The following MGME1 variants were observed in gnomAD, a reference collection of about 807,000 sequenced individuals.
MGME1 encodes the protein mitochondrial genome maintenance exonuclease 1, also known as chromosome 20 open reading frame 72.
A neutral mutation model predicts 33.0 loss-of-function variants in MGME1; 22 were observed. The observed-to-expected ratio is 0.67, with a 90% CI of 0.48 to 0.95. The LOEUF (loss-of-function observed/expected upper bound fraction) is 0.95, where lower values mean the gene tolerates loss of function less well. Among genes scored for constraint, MGME1 ranks in the 40% least tolerant of loss-of-function variants. MGME1 has a pLI of 0.00. For missense variants in MGME1, 383 were observed against 397.8 expected, an observed-to-expected ratio of 0.96 and a Z score of 0.32; for synonymous variants, 133 against 144.0, an observed-to-expected ratio of 0.92 and a Z score of 0.55.
intron 2 of MGME1, 113 bp from the exon 3 acceptor site, chr20:17,975,571 A>G: frequency 3.6e-6 from 3 of 837,852 alleles, no homozygotes; most frequent in Non-Finnish European, 5.5e-6. Flanking sequence ...AAAAAAAAGA[A>G]AAAAAAATGT....
At chr20:17,979,734 T>C (rs10222022) in intron 3 of MGME1, among the ~76,000 whole-genome samples, 2 of 151,484 alleles carry the variant, frequency 1.3e-5, no homozygotes, top group South Asian at 2.1e-4. Flanking sequence ...TTTTATTTTA[T>C]TTTAGTTTAT....
At chr20:17,974,635 AAAG>A (rs1245332043) in intron 2 of MGME1, among the ~76,000 whole-genome samples, 1 of 152,220 alleles carries the variant, frequency 6.6e-6, no homozygotes, top group Non-Finnish European at 1.5e-5. Context: ...TGTTAGGAAG[AAAG>A]AAGATGTGTC....
At chr20:17,980,211 A>C (rs1210837811) in intron 3 of MGME1, among the ~76,000 whole-genome samples, 8 of 151,794 alleles carry the variant, frequency 5.3e-5, no homozygotes, top group Non-Finnish European at 1.2e-4. Context: ...TTTTTCATAG[A>C]GACGGGGTTT....
chr20:17,990,818 A>G lies in MGME1; in HGVS notation c.*709A>G, dbSNP rs1487438381. 2 of 152,318 alleles carry G rather than the reference A, an allele frequency of 1.3e-5. No individual in the cohort carries two copies. Among genetic ancestry groups the G allele is most frequent in the East Asian group, 1.9e-4 (1 of 5,182 alleles). The allele number at this position is 152,318 out of a possible 1,614,324, so 9.4% of individuals were successfully genotyped here. On this transcript the variant is annotated 3_prime_UTR_variant, in exon 5 of 5. Coordinates refer to ENST00000377710, the MANE Select transcript of MGME1 (RefSeq NM_052865.4). ...CACAATTCTAAGTGTTTTAGTAACTATTTCTGGCGTGAGTCAACAGATCAT... is the reference window on the plus strand; with the variant it reads ...CACAATTCTAAGTGTTTTAGTAACTGTTTCTGGCGTGAGTCAACAGATCAT...
At chr20:17,972,283 G>A (rs931414827) in intron 2 of MGME1, among the ~76,000 whole-genome samples, 35 of 152,164 alleles carry the variant, frequency 2.3e-4, no homozygotes, top group African/African-American at 8.2e-4. Context: ...AAAGGTGAGA[G>A]CATAGAAATG....
At chr20:17,973,440 G>C (rs1037425233) in intron 2 of MGME1, among the ~76,000 whole-genome samples, 1 of 152,146 alleles carries the variant, frequency 6.6e-6, no homozygotes, top group Non-Finnish European at 1.5e-5. Context: ...TTGAGGCCAG[G>C]TGTTTAAGAC....
At position 17,975,896 on chromosome 20, in the gene MGME1, G is replaced by C. The variant is rs775513120; in HGVS notation, c.724G>C (p.Glu242Gln). ...TATAGGTCTGCTGGACTGTGTGGCT[G>C]AGTATCAGTAAGTATGAGATTGGAG... ...NYIGLLDCVA[E>Q]YQGKLCVIDW... The change falls in exon 3 of 5, where the codon GAG becomes CAG. Residue 242 changes from glutamate to glutamine, a missense_variant. Coordinates refer to ENST00000377710, the MANE Select transcript of MGME1 (RefSeq NM_052865.4). The C allele has an allele frequency of 1.2e-6, 2 of 1,612,902 alleles. No homozygotes were observed. Among genetic ancestry groups the C allele is most frequent in the Middle Eastern group, 1.7e-4 (1 of 6,046 alleles).
chr20:17,971,475 T>C (rs1278821416), intron 2 of MGME1, among the ~76,000 whole-genome samples: 2 of 152,218 alleles, frequency 1.3e-5, no homozygotes, highest in African/African-American at 4.8e-5. Context: ...CACTAAAATT[T>C]AGAATTGATA....
chr20:17,984,210 G>C (rs750547852), intron 3 of MGME1, among the ~76,000 whole-genome samples: 1 of 152,148 alleles, frequency 6.6e-6, no homozygotes, highest in African/African-American at 2.4e-5. Context: ...TCAATTGACT[G>C]TAAATTCATG....
chr20:17,979,102 A>G (rs574444004), intron 3 of MGME1, among the ~76,000 whole-genome samples: 1 of 150,398 alleles, frequency 6.6e-6, no homozygotes, highest in South Asian at 2.1e-4. Flanking sequence ...TTTAAGACAC[A>G]GTTTTGTTCA....
At chr20:17,979,357 G>C (rs2035945795) in intron 3 of MGME1, among the ~76,000 whole-genome samples, 1 of 151,980 alleles carries the variant, frequency 6.6e-6, no homozygotes, top group South Asian at 2.1e-4. Flanking sequence ...GGGATTTACA[G>C]GTGTGAGGCA....
At chr20:17,973,055 A>G (rs952531434) in intron 2 of MGME1, among the ~76,000 whole-genome samples, 15 of 152,188 alleles carry the variant, frequency 9.9e-5, no homozygotes, top group Admixed American at 5.2e-4. Context: ...GATAGAATTG[A>G]CATTTCCAGC....
intron 2 of MGME1, 52 bp downstream of exon 2, chr20:17,970,422 G>A (rs1323740226): frequency 6.6e-7 from 1 of 1,514,730 alleles, no homozygotes; most frequent in Non-Finnish European, 8.8e-7. Context: ...CTATAATAGA[G>A]AGCAACGGTG....
At position 17,975,655 on chromosome 20, in the gene MGME1, C is replaced by G. The variant is rs749743257; in HGVS notation, c.512-29C>G. 3.3e-6 allele frequency: 5 copies of G among 1,537,716 alleles called. No homozygotes were observed. In the East Asian group the frequency reaches 9.0e-5, roughly 28 times the overall value. On this transcript the variant is annotated intron_variant, in intron 2 of 4. Coordinates refer to ENST00000377710, the MANE Select transcript of MGME1 (RefSeq NM_052865.4). The stretch of plus-strand genomic sequence containing the variant: ...GTGTTAGCTTTGTTTGTGTTTCCCC[C>G]CTCCCCTTTTCCCTGATTTTCTTTT...
chr20:17,980,955 A>G (rs1177791840), intron 3 of MGME1, among the ~76,000 whole-genome samples: 1 of 151,978 alleles, frequency 6.6e-6, no homozygotes, highest in African/African-American at 2.4e-5. Flanking sequence ...GATTACATGG[A>G]GATCTTTTTT....
chr20:17,970,331 C>T lies in MGME1; in HGVS notation c.472C>T (p.Leu158=). 6.2e-7 allele frequency: 1 copy of T among 1,613,936 alleles called. No homozygotes were observed. ...LLERWKQRMI[L]ELGEDGFKEY... ...GGAGAGGTGGAAACAGCGGATGATT[C>T]TGGAACTGGGAGAAGATGGCTTTAA... Residue 158 remains leucine, a synonymous_variant, in exon 2 of 5, where the codon CTG becomes TTG. Transcript: ENST00000377710.
rs779833926 is a variant in MGME1 at position 17,970,251 on chromosome 20, C to A, written c.392C>A (p.Pro131Gln). ...ATCCCCTTGCAAAGGAATGTGATAC[C>A]AAGTGTGACCCGAGTCCTTCAGCAG... ...LKIPLQRNVI[P>Q]SVTRVLQQTM... The change falls in exon 2 of 5, where the codon CCA (proline) becomes CAA (glutamine). Residue 131 changes from proline (P) to glutamine (Q), a missense_variant. Transcript: ENST00000377710. 13 of 1,614,098 alleles carry A rather than the reference C, an allele frequency of 8.1e-6. No individual in the cohort carries two copies. The Admixed American group carries it at 1.3e-4, about 17-fold the overall frequency.
At chr20:17,971,839 G>A (rs1272834145) in intron 2 of MGME1, among the ~76,000 whole-genome samples, 2 of 152,134 alleles carry the variant, frequency 1.3e-5, no homozygotes, top group Non-Finnish European at 2.9e-5. Context: ...GGACCCAAGT[G>A]ATTCTCCCAT....
chr20:17,981,114 T>A lies in MGME1; in HGVS notation c.731+5211T>A, dbSNP rs144513778. 8.3e-3 allele frequency among the ~76,000 whole-genome samples: 1,261 copies of A among 152,316 alleles called. 16 individuals are homozygous for A. The highest frequency in any genetic ancestry group is 0.027 in the African/African-American group (1,128 of 41,578). On this transcript the variant is annotated intron_variant, in intron 3 of 4. Coordinates refer to ENST00000377710, the MANE Select transcript of MGME1 (RefSeq NM_052865.4). ...CTTTTCTTTTTTTAATGACCAATGA[T>A]CTGTGACACAGCATCAGGAGAACCT...
Sources: allele counts gnomAD v4.1 joint callset (sites outside exome capture counted in the v4.1 genomes callset), GRCh38; gene constraint gnomAD v4.1.1; transcripts MANE v1.5; gene names NCBI Gene and HGNC (gene_info 2026-07-23, HGNC 2026-07-21).